Variants in UBR3 observed in about 807,000 individuals in gnomAD.
UBR3 encodes the protein E3 ubiquitin-protein ligase UBR3.
UBR3 carries 85 observed loss-of-function variants against 243.2 expected under a neutral mutation model. The observed-to-expected ratio is 0.35, with a 90% CI of 0.29 to 0.42. The LOEUF (loss-of-function observed/expected upper bound fraction) is 0.42. UBR3 is among the 10% of genes least tolerant of loss of function. The pLI is 1.00. For synonymous variants in UBR3, 748 were observed against 799.8 expected, an observed-to-expected ratio of 0.94 and a Z score of 1.09; for missense variants, 1,686 against 2,300.8, an observed-to-expected ratio of 0.73 and a Z score of 5.47.
intron 14 of UBR3, among the ~76,000 whole-genome samples, chr2:169,926,098 C>A (rs1293186027): frequency 1.3e-5 from 2 of 152,080 alleles, no homozygotes; most frequent in Admixed American, 6.5e-5. Flanking sequence ...GGTACCTGGC[C>A]CTGGGTTGAT....
chr2:169,898,029 C>T (rs757912805), intron 8 of UBR3, among the ~76,000 whole-genome samples: 2 of 152,288 alleles, frequency 1.3e-5, no homozygotes, highest in African/African-American at 2.4e-5. Context: ...AATGTCAGAA[C>T]TCTTACTATT....
intron 8 of UBR3, among the ~76,000 whole-genome samples, chr2:169,903,862 A>T (rs1265247590): frequency 6.6e-6 from 1 of 152,082 alleles, no homozygotes; most frequent in African/African-American, 2.4e-5. Flanking sequence ...TCTTTGAAAA[A>T]ATATATATAT....
intron 8 of UBR3, among the ~76,000 whole-genome samples, chr2:169,901,326 A>G (rs1397084649): frequency 6.6e-6 from 1 of 152,140 alleles, no homozygotes; most frequent in Non-Finnish European, 1.5e-5. Flanking sequence ...TTTTTTTAGC[A>G]GTAAATTACA....
rs2091306818 is a variant in UBR3 at position 170,055,226 on chromosome 2, CGCTT to C, written c.4661-232_4661-229del. Among the ~76,000 whole-genome samples, 3 of 152,138 alleles carry C rather than the reference CGCTT, an allele frequency of 2.0e-5. No individual in the cohort carries two copies. In the South Asian group the frequency reaches 6.2e-4, roughly 31 times the overall value. On this transcript the variant is annotated intron_variant, in intron 32 of 38. Transcript: ENST00000272793. ...AGATTACAGGCTGAGATGAGAGGAT[CGCTT>C]GAGCTTGGGAGGTCGAGGCTTCAGT... is the stretch of plus-strand genomic sequence containing the variant.
chr2:170,068,463 G>A (rs1198801267), intron 35 of UBR3, among the ~76,000 whole-genome samples: 1 of 151,940 alleles, frequency 6.6e-6, no homozygotes, highest in African/African-American at 2.4e-5. Flanking sequence ...GCGAGACCCT[G>A]TCTCAAAAAA....
At chr2:169,909,759 C>A (rs1179364466) in intron 10 of UBR3, among the ~76,000 whole-genome samples, 3 of 134,738 alleles carry the variant, frequency 2.2e-5, no homozygotes, top group African/African-American at 8.2e-5. Context: ...ATATATATAT[C>A]TTGAAACATC....
chr2:169,894,008 A>G (rs2084477067), intron 6 of UBR3, among the ~76,000 whole-genome samples: 1 of 151,936 alleles, frequency 6.6e-6, no homozygotes, highest in Non-Finnish European at 1.5e-5. Flanking sequence ...TTTTGTTTTT[A>G]AATCATTGTC....
In UBR3 at chr2:170,081,897, C is replaced by A; in HGVS notation, c.*54C>A. On this transcript the variant is annotated 3_prime_UTR_variant, in exon 39 of 39. Coordinates refer to ENST00000272793, the MANE Select transcript of UBR3 (RefSeq NM_172070.4). Reference sequence around the variant, plus strand: ...TCATTTTCGCTACGAATTTATTTTTCAACAATAAGCTTTAACTTAATTTGG... The same window carrying A: ...TCATTTTCGCTACGAATTTATTTTTAAACAATAAGCTTTAACTTAATTTGG... The A allele has an allele frequency of 8.0e-7, 1 of 1,257,346 alleles. No individual in the cohort carries two copies. Among genetic ancestry groups the A allele is most frequent in the South Asian group, 1.7e-5 (1 of 58,212 alleles). The allele number at this position is 1,257,346 out of a possible 1,614,324, so 77.9% of individuals were successfully genotyped here. A position where few individuals can be genotyped will look rare whatever the true frequency, so the allele number is the denominator to read the frequency against.
At chr2:169,928,357 AT>A (rs1333904109) in intron 17 of UBR3, among the ~76,000 whole-genome samples, 12 of 152,020 alleles carry the variant, frequency 7.9e-5, no homozygotes, top group Admixed American at 7.9e-4. Flanking sequence ...ATCTTGGCTA[AT>A]TTTTCACAAG....
At chr2:169,894,924 CT>C (rs2084524181) in intron 6 of UBR3, among the ~76,000 whole-genome samples, 1 of 152,078 alleles carries the variant, frequency 6.6e-6, no homozygotes, top group South Asian at 2.1e-4. Flanking sequence ...CATTGAATAC[CT>C]TTATTTAAAA....
At chr2:169,872,197 T>A (rs1043745123) in intron 1 of UBR3, 39 bp from the exon 2 acceptor site, 25 of 1,354,882 alleles carry the variant, frequency 1.8e-5, no homozygotes, top group Non-Finnish European at 2.5e-5. Context: ...TTTAGCTGAT[T>A]AGACATTACT....
In UBR3 at chr2:169,926,846, T is replaced by C. The variant is rs1054173574; in HGVS notation, c.2213T>C (p.Val738Ala). The part of the protein sequence containing the change: ...FISSVFERFK[V>A]VDLLTMASQH... ...AATATTTCTTCTTGTAGATTTAAGG[T>C]AGTGGATTTGTTGACAATGGCATCA... The change falls in exon 16 of 39, where the codon GTA (valine) becomes GCA (alanine). Residue 738 changes from valine (V) to alanine (A), a missense_variant. This residue lies in a region of UBR3 where 346 missense variants were observed against 585.8 expected (regional missense o/e 0.59). Transcript: ENST00000272793. 1.3e-6 allele frequency: 2 copies of C among 1,549,272 alleles called. No homozygotes were observed. Among genetic ancestry groups the C allele is most frequent in the Non-Finnish European group, 1.7e-6 (2 of 1,145,560 alleles).
chr2:169,922,634 A>G (rs1012227503), intron 11 of UBR3, among the ~76,000 whole-genome samples: 3 of 152,116 alleles, frequency 2.0e-5, no homozygotes, highest in Non-Finnish European at 4.4e-5. Flanking sequence ...GGCAACCACC[A>G]TTCTACTTTG....
chr2:169,888,845 G>T (rs2084214000), intron 5 of UBR3, among the ~76,000 whole-genome samples: 1 of 151,934 alleles, frequency 6.6e-6, no homozygotes, highest in Non-Finnish European at 1.5e-5. Context: ...GAGCTCCAGG[G>T]TTGTTTTTCT....
At chr2:170,067,077 A>G (rs1559232416) in intron 35 of UBR3, among the ~76,000 whole-genome samples, 1 of 151,982 alleles carries the variant, frequency 6.6e-6, no homozygotes, top group Non-Finnish European at 1.5e-5. Flanking sequence ...TAACTTGCTC[A>G]AGATTCACAC....
chr2:169,829,224 T>G (rs2081845660), intron 1 of UBR3, among the ~76,000 whole-genome samples: 1 of 149,944 alleles, frequency 6.7e-6, no homozygotes, highest in South Asian at 2.1e-4. Flanking sequence ...TCTTGGATAT[T>G]AAAAATGAAT....
chr2:170,079,543 T>C (rs1185031438), intron 36 of UBR3, among the ~76,000 whole-genome samples: 1 of 152,224 alleles, frequency 6.6e-6, no homozygotes, highest in East Asian at 1.9e-4. Context: ...TGTTTTTCTT[T>C]TAAAGTAATA....
chr2:169,943,863 T>C (rs754810097), intron 20 of UBR3, among the ~76,000 whole-genome samples: 17 of 152,178 alleles, frequency 1.1e-4, no homozygotes, highest in Non-Finnish European at 1.6e-4. Context: ...GAATTTTATT[T>C]TTTTTCTTAA....
At chr2:170,005,011 C>G (rs1220429180) in intron 27 of UBR3, among the ~76,000 whole-genome samples, 1 of 152,144 alleles carries the variant, frequency 6.6e-6, no homozygotes, top group Non-Finnish European at 1.5e-5. Context: ...ATCACGAGGT[C>G]AGGAGATCGA....
Sources: allele counts gnomAD v4.1 joint callset (sites outside exome capture counted in the v4.1 genomes callset), GRCh38; gene constraint gnomAD v4.1.1; regional missense constraint gnomAD v4.1.1; transcripts MANE v1.5; gene names NCBI Gene and HGNC (gene_info 2026-07-23, HGNC 2026-07-21).